TRDN: variants seen among roughly 807,000 people sequenced by gnomAD.
The protein encoded by TRDN is triadin.
A neutral mutation model predicts 149.7 loss-of-function variants in TRDN; 161 were observed. That is an observed-to-expected ratio of 1.08 (90% confidence interval 0.95 to 1.23). TRDN has a LOEUF of 1.23. Ranked by LOEUF, TRDN falls within the 50% of genes most tolerant of loss-of-function variation. TRDN has a pLI of 0.00. For synonymous variants in TRDN, 294 were observed against 250.5 expected (o/e 1.17, Z -1.64); for missense variants, 896 against 823.5 (o/e 1.09, Z -1.08).
At chr6:123,307,162 T>A (rs1778641529) in intron 24 of TRDN, among the ~76,000 whole-genome samples, 1 of 152,082 alleles carries the variant, frequency 6.6e-6, no homozygotes, top group African/African-American at 2.4e-5. Flanking sequence ...TGGTCACCTT[T>A]ATAGGAGAGG....
At chr6:123,598,740 C>T (rs890714391) in intron 1 of TRDN, among the ~76,000 whole-genome samples, 2 of 152,014 alleles carry the variant, frequency 1.3e-5, no homozygotes, top group Non-Finnish European at 2.9e-5. Context: ...ACCATACAGC[C>T]CACAAAACCT....
chr6:123,603,394 T>C (rs1488345530), intron 1 of TRDN, among the ~76,000 whole-genome samples: 1 of 152,130 alleles, frequency 6.6e-6, no homozygotes, highest in Non-Finnish European at 1.5e-5. Flanking sequence ...CATATATACC[T>C]GTTTTACTCT....
At chr6:123,356,331 A>G (rs1228666869) in intron 20 of TRDN, among the ~76,000 whole-genome samples, 3 of 151,284 alleles carry the variant, frequency 2.0e-5, no homozygotes, top group Non-Finnish European at 3.0e-5. Flanking sequence ...ACTATGATGA[A>G]TATAGTTTCC....
intron 8 of TRDN, chr6:123,502,134 C>A (rs1031549203): frequency 1.0e-6 from 1 of 983,832 alleles, no homozygotes; most frequent in Non-Finnish European, 1.2e-6. Context: ...GATTATTTTT[C>A]TTTTTGAACA....
At chr6:123,456,271 C>T (rs1327820480) in intron 10 of TRDN, among the ~76,000 whole-genome samples, 3 of 152,162 alleles carry the variant, frequency 2.0e-5, no homozygotes, top group Non-Finnish European at 2.9e-5. Flanking sequence ...ATAAAGACCA[C>T]AACTTTTTAA....
At chr6:123,240,719 C>T (rs1406807731) in intron 38 of TRDN, among the ~76,000 whole-genome samples, 1 of 151,780 alleles carries the variant, frequency 6.6e-6, no homozygotes. Context: ...ATAACTACAT[C>T]CGAATTAGAC....
chr6:123,324,954 C>A (rs1287923096), intron 23 of TRDN, among the ~76,000 whole-genome samples: 1 of 152,068 alleles, frequency 6.6e-6, no homozygotes, highest in Non-Finnish European at 1.5e-5. Context: ...TTTAACAATT[C>A]TTCAGAAAAT....
intron 5 of TRDN, among the ~76,000 whole-genome samples, chr6:123,523,440 G>C (rs1252308075): frequency 6.6e-6 from 1 of 152,072 alleles, no homozygotes; most frequent in African/African-American, 2.4e-5. Flanking sequence ...TACGAAGCTG[G>C]AACGCTGTAG....
intron 5 of TRDN, among the ~76,000 whole-genome samples, chr6:123,521,306 A>T (rs1000307552): frequency 2.3e-4 from 35 of 152,230 alleles, no homozygotes; most frequent in African/African-American, 8.4e-4. Flanking sequence ...GAGACAATCC[A>T]AGTTTAAGTC....
chr6:123,301,754 T>TATATATATAC lies in TRDN; in HGVS notation c.1510+14702_1510+14703insGTATATATAT, dbSNP rs1562252171. Reference sequence around the variant, plus strand: ...GTATGTATGTATGTATATATATACATATATATATATATATACATATATATA... The same window carrying TATATATATAC: ...GTATGTATGTATGTATATATATACATATATATATACATATATATATATATACATATATATA... On this transcript the variant is annotated intron_variant, in intron 24 of 40. Transcript: ENST00000334268. 3.1e-3 allele frequency among the ~76,000 whole-genome samples: 206 copies of TATATATATAC among 66,198 alleles called. 1 individual carries two copies. Among genetic ancestry groups the TATATATATAC allele is most frequent in the Middle Eastern group, 0.018 (2 of 110 alleles). The allele number at this position is 66,198 out of a possible 152,430, so 43.4% of individuals were successfully genotyped here.
In TRDN at chr6:123,530,939, T is replaced by G. The variant is rs189937999; in HGVS notation, c.425-374A>C. Among the ~76,000 whole-genome samples the G allele has an allele frequency of 2.0e-3, 300 of 152,098 alleles. 3 individuals carry two copies. The highest frequency in any genetic ancestry group is 6.9e-3 in the African/African-American group (285 of 41,544). The stretch of plus-strand genomic sequence containing the variant: ...AATGTCATTTAGATTTAGGAAGATT[T>G]AGTTTTTACATATTAAATTAAGAAT... On this transcript the variant is annotated intron_variant, in intron 4 of 40. Transcript: ENST00000334268.
chr6:123,384,774 T>C (rs1480529600), intron 14 of TRDN, among the ~76,000 whole-genome samples: 4 of 152,152 alleles, frequency 2.6e-5, no homozygotes, highest in Admixed American at 1.3e-4. Context: ...GAGTCAATAG[T>C]GCAACAGAAA....
chr6:123,254,825 A>T (rs1776498098), intron 37 of TRDN: 1 of 307,794 alleles, frequency 3.2e-6, no homozygotes, highest in East Asian at 6.5e-5. Flanking sequence ...TGTAATTGAT[A>T]ATTTTTCTTC....
intron 23 of TRDN, among the ~76,000 whole-genome samples, chr6:123,319,200 T>A (rs1419653575): frequency 2.6e-5 from 4 of 152,056 alleles, no homozygotes; most frequent in African/African-American, 9.7e-5. Context: ...TTAAATTGCA[T>A]GATCTTTCAA....
intron 1 of TRDN, among the ~76,000 whole-genome samples, chr6:123,618,255 G>A (rs1785203181): frequency 6.6e-6 from 1 of 152,108 alleles, no homozygotes; most frequent in African/African-American, 2.4e-5. Context: ...AAATCAAAGT[G>A]TCTTCAGGGC....
intron 38 of TRDN, among the ~76,000 whole-genome samples, chr6:123,240,361 C>T (rs548367925): frequency 6.6e-6 from 1 of 151,798 alleles, no homozygotes; most frequent in African/African-American, 2.4e-5. Flanking sequence ...TATGATCTCT[C>T]TCCCAAAACT....
chr6:123,509,360 G>A (rs1434281622), intron 7 of TRDN: 3 of 152,112 alleles, frequency 2.0e-5, no homozygotes, highest in African/African-American at 7.2e-5. Context: ...CTAACCCATA[G>A]TGTATACTAA....
chr6:123,296,839 C>T (rs906123054), intron 24 of TRDN, among the ~76,000 whole-genome samples: 7 of 151,846 alleles, frequency 4.6e-5, no homozygotes, highest in Admixed American at 1.3e-4. Flanking sequence ...ATGGTAAATG[C>T]TTTGAAAATT....
chr6:123,419,862 A>G (rs1177478853), intron 12 of TRDN, among the ~76,000 whole-genome samples: 1 of 152,204 alleles, frequency 6.6e-6, no homozygotes. Flanking sequence ...AGAATCAGAG[A>G]AAACAGATTT....
Sources: gnomAD v4.1 joint callset for allele counts (sites outside exome capture counted in the v4.1 genomes callset) on GRCh38, gnomAD v4.1.1 for gene constraint, MANE v1.5 for transcripts, NCBI Gene and HGNC (gene_info 2026-07-23, HGNC 2026-07-21) for gene names.